MIPOL1: variants seen among roughly 807,000 people sequenced by gnomAD.
MIPOL1 encodes the protein mirror-image polydactyly gene 1 protein.
Under a neutral mutation model 60.9 loss-of-function variants are expected in MIPOL1, and 57 were observed. The ratio of observed to expected loss-of-function variants is 0.94; its 90% CI spans 0.76 to 1.17. The LOEUF is 1.17. Ranked by LOEUF, MIPOL1 falls within the 50% of genes most tolerant of loss-of-function variation. The probability of loss-of-function intolerance (pLI) is 0.00; values close to 1 mark genes in which losing one functional copy is unlikely to be tolerated. For missense variants in MIPOL1, 551 were observed against 511.6 expected (o/e 1.08, Z -0.74); for synonymous variants, 179 against 168.8 (o/e 1.06, Z -0.47).
chr14:37,394,057 CATATATATATATATAT>C lies in MIPOL1; in HGVS notation c.936+24446_936+24461del, dbSNP rs56361320. The stretch of plus-strand genomic sequence containing the variant: ...ATTCCTTTTTATGGCTTAGTAGTGG[CATATATATATATATAT>C]ATATATATATATCTCCATGTTCTAT... On this transcript the variant is annotated intron_variant, in intron 10 of 12. Transcript: ENST00000684589. Among the ~76,000 whole-genome samples the C allele has an allele frequency of 1.6e-4, 12 of 73,300 alleles. 1 individual carries two copies. In the East Asian group the frequency reaches 5.4e-3, roughly 33 times the overall value. 48.1% of individuals were successfully genotyped at this position (73,300 alleles called of 152,430 possible).
intron 12 of MIPOL1, chr14:37,507,574 G>T (rs1177456769): frequency 2.0e-5 from 3 of 152,116 alleles, no homozygotes. Flanking sequence ...TGGACACAGG[G>T]TAGGGAACAT....
intron 11 of MIPOL1, among the ~76,000 whole-genome samples, chr14:37,476,042 T>A (rs1184816959): frequency 2.0e-5 from 3 of 152,238 alleles, no homozygotes; most frequent in African/African-American, 7.2e-5. Context: ...AGTTATCTTA[T>A]CCAAGACTCA....
chr14:37,273,675 T>C (rs1447349757), intron 6 of MIPOL1, among the ~76,000 whole-genome samples: 1 of 151,516 alleles, frequency 6.6e-6, no homozygotes, highest in Non-Finnish European at 1.5e-5. Flanking sequence ...TTGGAGCAAT[T>C]GGGAAGACCA....
intron 1 of MIPOL1, among the ~76,000 whole-genome samples, chr14:37,204,668 T>C (rs1965810039): frequency 6.6e-6 from 1 of 152,162 alleles, no homozygotes; most frequent in Non-Finnish European, 1.5e-5. Flanking sequence ...ATTAAACCTC[T>C]TTCTTTTGTA....
intron 12 of MIPOL1, among the ~76,000 whole-genome samples, chr14:37,541,373 T>C (rs1427773566): frequency 1.3e-5 from 2 of 152,218 alleles, no homozygotes; most frequent in Non-Finnish European, 2.9e-5. Flanking sequence ...AGTTTCCTTA[T>C]GTCCTCGTCT....
chr14:37,231,340 G>A (rs927962067), intron 1 of MIPOL1, among the ~76,000 whole-genome samples: 3 of 152,030 alleles, frequency 2.0e-5, no homozygotes, highest in African/African-American at 7.3e-5. Context: ...CTCCTGCTTT[G>A]GCCTTCCAAA....
chr14:37,418,296 C>CAGA (rs2093807858), intron 10 of MIPOL1, among the ~76,000 whole-genome samples: 1 of 152,076 alleles, frequency 6.6e-6, no homozygotes, highest in African/African-American at 2.4e-5. Context: ...TTTTCTTTGT[C>CAGA]ATTCTGAGTT....
chr14:37,225,654 A>G (rs1969591255), intron 1 of MIPOL1, among the ~76,000 whole-genome samples: 1 of 152,170 alleles, frequency 6.6e-6, no homozygotes, highest in Non-Finnish European at 1.5e-5. Flanking sequence ...CAGTGGGAGC[A>G]GCTGCTGTGA....
At chr14:37,448,256 C>T (rs770696940) in intron 11 of MIPOL1, among the ~76,000 whole-genome samples, 4 of 152,182 alleles carry the variant, frequency 2.6e-5, no homozygotes, top group Non-Finnish European at 5.9e-5. Flanking sequence ...TGCACTATAG[C>T]ACTAGCAGCC....
intron 11 of MIPOL1, among the ~76,000 whole-genome samples, chr14:37,490,976 C>T (rs2095039617): frequency 6.6e-6 from 1 of 152,162 alleles, no homozygotes; most frequent in South Asian, 2.1e-4. Flanking sequence ...AGAAGTCTCC[C>T]TTCTATTAAA....
intron 10 of MIPOL1, among the ~76,000 whole-genome samples, chr14:37,404,556 A>C (rs1369278349): frequency 6.6e-6 from 1 of 152,170 alleles, no homozygotes; most frequent in Non-Finnish European, 1.5e-5. Flanking sequence ...TACTTGTAGC[A>C]CTTGTCTGAT....
At chr14:37,398,058 C>CTG (rs1292338587) in intron 10 of MIPOL1, among the ~76,000 whole-genome samples, 1 of 152,124 alleles carries the variant, frequency 6.6e-6, no homozygotes, top group East Asian at 1.9e-4. Context: ...GTGTTTTCTT[C>CTG]TGTGCCTTTG....
chr14:37,288,354 T>C (rs1479064543), intron 7 of MIPOL1, among the ~76,000 whole-genome samples: 1 of 152,132 alleles, frequency 6.6e-6, no homozygotes, highest in Non-Finnish European at 1.5e-5. Flanking sequence ...AGTGGGCTGA[T>C]ACAAAGTTTG....
intron 11 of MIPOL1, among the ~76,000 whole-genome samples, chr14:37,439,300 G>C (rs922593712): frequency 6.6e-6 from 1 of 152,164 alleles, no homozygotes; most frequent in Admixed American, 6.5e-5. Context: ...TGATAGAGAG[G>C]AGGAGGAAGA....
At chr14:37,442,507 G>A (rs913959384) in intron 11 of MIPOL1, among the ~76,000 whole-genome samples, 6 of 152,078 alleles carry the variant, frequency 3.9e-5, no homozygotes, top group Non-Finnish European at 7.4e-5. Flanking sequence ...GCTGGGGTTT[G>A]TCATAGATGG....
chr14:37,388,707 G>T (rs113405224), intron 10 of MIPOL1, among the ~76,000 whole-genome samples: 1 of 151,776 alleles, frequency 6.6e-6, no homozygotes, highest in African/African-American at 2.4e-5. Flanking sequence ...AAATTCACTT[G>T]CATTTTCTGG....
chr14:37,246,806 AT>A (rs1019405183), intron 1 of MIPOL1, among the ~76,000 whole-genome samples: 2 of 152,044 alleles, frequency 1.3e-5, no homozygotes, highest in African/African-American at 4.8e-5. Context: ...ATGGGATTAC[AT>A]TTTACTAATT....
At chr14:37,509,756 CATACATGTATGTTTGTGTGTAT>C (rs2095311296) in intron 12 of MIPOL1, among the ~76,000 whole-genome samples, 1 of 150,960 alleles carries the variant, frequency 6.6e-6, no homozygotes, top group Admixed American at 6.6e-5. Context: ...ATGTGATACA[CATACATGTATGTTTGTGTGTAT>C]ATACATGTAT....
At chr14:37,525,642 C>T (rs932503572) in intron 12 of MIPOL1, among the ~76,000 whole-genome samples, 8 of 152,066 alleles carry the variant, frequency 5.3e-5, no homozygotes, top group East Asian at 1.9e-4. Context: ...ATGTTGTTCC[C>T]GGAAGCAGCC....
Sources: gnomAD v4.1 joint callset for allele counts (sites outside exome capture counted in the v4.1 genomes callset) on GRCh38, gnomAD v4.1.1 for gene constraint, MANE v1.5 for transcripts, NCBI Gene and HGNC (gene_info 2026-07-23, HGNC 2026-07-21) for gene names.